Variants in SYN3 observed in about 807,000 individuals in gnomAD.
SYN3 encodes synapsin III, also known as synapsin-3.
Under a neutral mutation model 65.8 loss-of-function variants are expected in SYN3, and 35 were observed. The ratio of observed to expected loss-of-function variants is 0.53; its 90% CI spans 0.41 to 0.70. The LOEUF is 0.70. SYN3 is among the 30% of genes least tolerant of loss of function. The probability of loss-of-function intolerance (pLI) is 0.00; values close to 1 mark genes in which losing one functional copy is unlikely to be tolerated. For synonymous variants in SYN3, 270 were observed against 292.9 expected (o/e 0.92, Z 0.80); for missense variants, 680 against 749.0 (o/e 0.91, Z 1.08).
chr22:32,611,077 T>A (rs1423106388), intron 6 of SYN3, among the ~76,000 whole-genome samples: 1 of 152,202 alleles, frequency 6.6e-6, no homozygotes, highest in Non-Finnish European at 1.5e-5. Context: ...TGGGTAATAC[T>A]TTGGCAACGC....
intron 4 of SYN3, among the ~76,000 whole-genome samples, chr22:32,896,244 C>CAGCAGTTCAAG (rs1556002681): frequency 6.6e-6 from 1 of 152,036 alleles, no homozygotes; most frequent in Non-Finnish European, 1.5e-5. Flanking sequence ...CACATGAGGT[C>CAGCAGTTCAAG]AGCAGTTCGA....
At position 32,510,982 on chromosome 22, in the gene SYN3, G is replaced by GGTGTGTGTGTGT. The variant is rs199663400; in HGVS notation, c.*2709_*2710insACACACACACAC. On this transcript the variant is annotated 3_prime_UTR_variant, in exon 14 of 14. Transcript: ENST00000358763. The stretch of plus-strand genomic sequence containing the variant: ...TTTGTCAATTCCAAGTTATTGTCCA[G>GGTGTGTGTGTGT]GCGTGTGTGTGTGTGTGTGTGTGTG... Among the ~76,000 whole-genome samples the GGTGTGTGTGTGT allele has an allele frequency of 2.0e-4, 20 of 102,300 alleles. No homozygotes were observed. The highest frequency in any genetic ancestry group is 8.3e-4 in the African/African-American group (19 of 22,946). 67.1% of individuals were successfully genotyped at this position (102,300 alleles called of 152,430 possible). A position where few individuals can be genotyped will look rare whatever the true frequency, so the allele number is the denominator to read the frequency against.
intron 6 of SYN3, among the ~76,000 whole-genome samples, chr22:32,726,426 C>T (rs373668990): frequency 1.3e-5 from 2 of 152,232 alleles, no homozygotes; most frequent in Non-Finnish European, 2.9e-5. Context: ...CAGGTGTGAG[C>T]CACCACACTC....
intron 4 of SYN3, among the ~76,000 whole-genome samples, chr22:32,896,244 C>CAGCAGTTCGAG (rs146844018): frequency 0.11 from 16,576 of 152,114 alleles, 1,405 homozygotes; most frequent in East Asian, 0.44. Flanking sequence ...CACATGAGGT[C>CAGCAGTTCGAG]AGCAGTTCGA....
chr22:32,721,826 A>C (rs2061123430), intron 6 of SYN3, among the ~76,000 whole-genome samples: 1 of 152,158 alleles, frequency 6.6e-6, no homozygotes, highest in Non-Finnish European at 1.5e-5. Context: ...GAGAAGAGTG[A>C]GTGGGAGCAG....
chr22:32,604,784 TGA>T lies in SYN3; in HGVS notation c.712-8050_712-8049del, dbSNP rs572845185. 3.0e-3 allele frequency among the ~76,000 whole-genome samples: 455 copies of T among 152,244 alleles called. 5 individuals are homozygous for T. Among genetic ancestry groups the T allele is most frequent in the African/African-American group, 0.01 (423 of 41,536 alleles). On this transcript the variant is annotated intron_variant, in intron 6 of 13. Transcript: ENST00000358763. ...ACTTTGGGAGGCTGAGGCGGGCAGA[TGA>T]CGAGGTCAGGAGATCGAGACCATCC...
At chr22:32,718,730 A>G (rs939660655) in intron 6 of SYN3, among the ~76,000 whole-genome samples, 1 of 152,222 alleles carries the variant, frequency 6.6e-6, no homozygotes, top group African/African-American at 2.4e-5. Flanking sequence ...TAGGTTTAAC[A>G]TAACTTTAGA....
intron 6 of SYN3, among the ~76,000 whole-genome samples, chr22:32,742,044 C>G (rs2044787087): frequency 6.6e-6 from 1 of 151,910 alleles, no homozygotes; most frequent in East Asian, 2.0e-4. Context: ...GAGCCCGAGG[C>G]AGGCGGATCA....
At chr22:32,619,736 C>T (rs1292442568) in intron 6 of SYN3, among the ~76,000 whole-genome samples, 2 of 152,178 alleles carry the variant, frequency 1.3e-5, no homozygotes, top group Non-Finnish European at 2.9e-5. Flanking sequence ...TGAATCTGGG[C>T]TGGCCTTGAG....
intron 4 of SYN3, among the ~76,000 whole-genome samples, chr22:32,885,650 T>A (rs779345777): frequency 2.0e-5 from 3 of 151,954 alleles, no homozygotes; most frequent in Non-Finnish European, 4.4e-5. Context: ...AATCTCCACC[T>A]CCTGGGTTCA....
At chr22:33,031,102 G>A (rs529471859) in intron 1 of SYN3, among the ~76,000 whole-genome samples, 3 of 152,206 alleles carry the variant, frequency 2.0e-5, no homozygotes, top group East Asian at 1.9e-4. Flanking sequence ...AGTTGCCCAC[G>A]GCCCCCTGCC....
intron 2 of SYN3, 103 bp from the exon 3 acceptor site, chr22:32,980,805 C>T: frequency 2.1e-6 from 2 of 951,070 alleles, no homozygotes; most frequent in Non-Finnish European, 3.4e-6. Flanking sequence ...GAGACACATC[C>T]TCAGCCATCC....
At position 32,631,907 on chromosome 22, in the gene SYN3, T is replaced by C. The variant is rs113826942; in HGVS notation, c.712-35171A>G. On this transcript the variant is annotated intron_variant, in intron 6 of 13. Transcript: ENST00000358763. ...CATTGCCCAAGCCAGAGCCCTTTTATGTCACCAAAGGCAGGGAACAAATAG... is the reference window on the plus strand; with the variant it reads ...CATTGCCCAAGCCAGAGCCCTTTTACGTCACCAAAGGCAGGGAACAAATAG... 9.8e-5 allele frequency among the ~76,000 whole-genome samples: 15 copies of C among 152,318 alleles called. 1 individual carries two copies. Among genetic ancestry groups the C allele is most frequent in the African/African-American group, 3.6e-4 (15 of 41,576 alleles).
chr22:32,719,572 G>C (rs1375143752), intron 6 of SYN3, among the ~76,000 whole-genome samples: 1 of 152,192 alleles, frequency 6.6e-6, no homozygotes, highest in African/African-American at 2.4e-5. Flanking sequence ...GCTGGGCATG[G>C]TGGCTCACAC....
intron 6 of SYN3, among the ~76,000 whole-genome samples, chr22:32,771,360 C>A (rs1401889290): frequency 6.6e-6 from 1 of 152,220 alleles, no homozygotes; most frequent in East Asian, 1.9e-4. Context: ...GGTTCAACCA[C>A]AGAGTTGGTG....
chr22:32,859,089 T>C, intron 6 of SYN3: 1 of 1,295,668 alleles, frequency 7.7e-7, no homozygotes, highest in Non-Finnish European at 1.1e-6. Flanking sequence ...TCCCATGCAG[T>C]GGCCCCAGGG....
rs533564823 is a variant in SYN3, at chr22:32,624,113, C to T, written c.712-27377G>A. On this transcript the variant is annotated intron_variant, in intron 6 of 13. Transcript: ENST00000358763. ...TCTGCCTTGAAAACTGATCCTCTTC[C>T]GAGTCCGGTTATTGCTTTTCTGAAA... Among the ~76,000 whole-genome samples the T allele has an allele frequency of 3.9e-5, 6 of 152,328 alleles. No individual in the cohort carries two copies. In the South Asian group the frequency reaches 8.3e-4, roughly 21 times the overall value.
intron 6 of SYN3, among the ~76,000 whole-genome samples, chr22:32,803,513 A>G (rs2046646880): frequency 6.6e-6 from 1 of 152,152 alleles, no homozygotes; most frequent in African/African-American, 2.4e-5. Flanking sequence ...TGGGGCCTGC[A>G]TGGTACATCC....
At chr22:32,944,924 G>A (rs927365320) in intron 3 of SYN3, among the ~76,000 whole-genome samples, 4 of 152,136 alleles carry the variant, frequency 2.6e-5, no homozygotes, top group Non-Finnish European at 4.4e-5. Flanking sequence ...CAAATCATGA[G>A]TAAACTCCCA....
Sources: allele counts gnomAD v4.1 joint callset (sites outside exome capture counted in the v4.1 genomes callset), GRCh38; gene constraint gnomAD v4.1.1; transcripts MANE v1.5; gene names NCBI Gene and HGNC (gene_info 2026-07-23, HGNC 2026-07-21).